RPS6KC1: variants seen among roughly 807,000 people sequenced by gnomAD.
RPS6KC1 encodes inactive ribosomal protein S6 kinase delta-1.
Under a neutral mutation model 103.8 loss-of-function variants are expected in RPS6KC1, and 54 were observed. That is an observed-to-expected ratio of 0.52 (90% CI 0.42 to 0.65). The LOEUF is 0.65. Among genes scored for constraint, RPS6KC1 ranks in the 30% least tolerant of loss-of-function variants. The pLI, the probability that RPS6KC1 is intolerant of heterozygous loss-of-function variation, is 0.00. For synonymous variants in RPS6KC1, 439 were observed against 438.7 expected, an observed-to-expected ratio of 1.00 and a Z score of -0.01; for missense variants, 1,151 against 1,253.8, an observed-to-expected ratio of 0.92 and a Z score of 1.24.
At chr1:213,859,054 A>G in the RPS6KC1 span, among the ~76,000 whole-genome samples, 4 of 152,338 alleles carry the variant, frequency 2.6e-5, no homozygotes, top group East Asian at 7.7e-4. Context: ...CCAAGCAATG[A>G]GAAGATGACC....
the RPS6KC1 span, among the ~76,000 whole-genome samples, chr1:213,462,045 C>G: frequency 1.3e-5 from 2 of 152,084 alleles, no homozygotes; most frequent in Non-Finnish European, 2.9e-5. Context: ...AATATTCAGA[C>G]TCTACAAGGA....
At chr1:213,435,334 GGT>G in the RPS6KC1 span, among the ~76,000 whole-genome samples, 1 of 151,950 alleles carries the variant, frequency 6.6e-6, no homozygotes, top group South Asian at 2.1e-4. Context: ...TGTCAGTTCT[GGT>G]TCTGCTTTGA....
the RPS6KC1 span, among the ~76,000 whole-genome samples, chr1:213,699,878 AT>A: frequency 6.6e-6 from 1 of 151,990 alleles, no homozygotes; most frequent in Non-Finnish European, 1.5e-5. Flanking sequence ...TCTTTTGCCC[AT>A]TTTTTGATCA....
chr1:213,775,844 C>A, the RPS6KC1 span, among the ~76,000 whole-genome samples: 5 of 152,194 alleles, frequency 3.3e-5, no homozygotes, highest in African/African-American at 1.2e-4. Flanking sequence ...CTCTCTCAAA[C>A]CTTGCTGCTG....
chr1:213,328,582 T>A, the RPS6KC1 span, among the ~76,000 whole-genome samples: 1 of 148,968 alleles, frequency 6.7e-6, no homozygotes. Flanking sequence ...TATTTCTGTA[T>A]AGTCCTTTAG....
the RPS6KC1 span, among the ~76,000 whole-genome samples, chr1:213,501,750 A>T: frequency 5.3e-5 from 8 of 152,156 alleles, no homozygotes; most frequent in African/African-American, 1.9e-4. Flanking sequence ...AAAAAAAGAA[A>T]AAAAAGAAAA....
chr1:213,700,228 A>AT, the RPS6KC1 span, among the ~76,000 whole-genome samples: 1 of 152,068 alleles, frequency 6.6e-6, no homozygotes, highest in African/African-American at 2.4e-5. Context: ...GTGTTTGTAT[A>AT]TGGTGAGAGA....
At chr1:213,520,619 T>TCCCTCCCTCG in the RPS6KC1 span, among the ~76,000 whole-genome samples, 4 of 152,144 alleles carry the variant, frequency 2.6e-5, no homozygotes, top group East Asian at 7.7e-4. Context: ...TTTCCTTCCT[T>TCCCTCCCTCG]TATTCTTTTT....
chr1:213,380,948 C>T, the RPS6KC1 span, among the ~76,000 whole-genome samples: 3 of 152,204 alleles, frequency 2.0e-5, no homozygotes, highest in Non-Finnish European at 4.4e-5. Flanking sequence ...TTTCCAGCCC[C>T]AGCAAGGCGC....
At chr1:213,216,385 C>G (rs1177408571) in intron 8 of RPS6KC1, among the ~76,000 whole-genome samples, 2 of 152,020 alleles carry the variant, frequency 1.3e-5, no homozygotes, top group Non-Finnish European at 2.9e-5. Flanking sequence ...TCCTTCGAGA[C>G]CTACAAAGAG....
chr1:213,081,706 G>C (rs2079909111), intron 3 of RPS6KC1, among the ~76,000 whole-genome samples: 1 of 147,696 alleles, frequency 6.8e-6, no homozygotes, highest in African/African-American at 2.5e-5. Flanking sequence ...AGGGATACCA[G>C]CTTTTCCTAT....
chr1:213,107,107 A>C (rs941817307), intron 4 of RPS6KC1, among the ~76,000 whole-genome samples: 2 of 151,884 alleles, frequency 1.3e-5, no homozygotes, highest in African/African-American at 4.8e-5. Flanking sequence ...ACACCTGGCA[A>C]ATTTTTGTAT....
At chr1:213,236,584 G>T (rs2094225578) in intron 10 of RPS6KC1, among the ~76,000 whole-genome samples, 1 of 152,122 alleles carries the variant, frequency 6.6e-6, no homozygotes, top group African/African-American at 2.4e-5. Context: ...AGAGAGAAAG[G>T]TGGGGAAACA....
intron 6 of RPS6KC1, among the ~76,000 whole-genome samples, chr1:213,151,944 C>T (rs2089084512): frequency 7.9e-6 from 1 of 127,032 alleles, no homozygotes; most frequent in Non-Finnish European, 1.7e-5. Flanking sequence ...CCCCCACCTC[C>T]CTCCCGGATG....
chr1:213,718,558 T>C, the RPS6KC1 span, among the ~76,000 whole-genome samples: 2 of 152,222 alleles, frequency 1.3e-5, no homozygotes, highest in Non-Finnish European at 1.5e-5. Context: ...CATAAATGGC[T>C]GACAGAATGA....
intron 12 of RPS6KC1, among the ~76,000 whole-genome samples, chr1:213,257,727 C>A (rs1232969135): frequency 1.4e-5 from 2 of 146,080 alleles, no homozygotes; most frequent in Non-Finnish European, 3.0e-5. Flanking sequence ...TGGTTGGTGG[C>A]ACATTCAAAA....
the RPS6KC1 span, among the ~76,000 whole-genome samples, chr1:213,451,306 T>C: frequency 1.3e-5 from 2 of 152,242 alleles, no homozygotes; most frequent in African/African-American, 4.8e-5. Flanking sequence ...GTATTTTATG[T>C]GGGTCACCTG....
the RPS6KC1 span, among the ~76,000 whole-genome samples, chr1:213,650,959 G>T: frequency 6.6e-6 from 1 of 151,118 alleles, no homozygotes; most frequent in South Asian, 2.1e-4. Context: ...GGGGAGAGGG[G>T]GAGAGAGAGA....
the RPS6KC1 span, among the ~76,000 whole-genome samples, chr1:213,400,454 A>G: frequency 6.6e-6 from 1 of 152,100 alleles, no homozygotes; most frequent in Non-Finnish European, 1.5e-5. Context: ...AGCAATGTAC[A>G]ATTTTTGGTC....
Sources: allele counts gnomAD v4.1 joint callset (sites outside exome capture counted in the v4.1 genomes callset), GRCh38; gene constraint gnomAD v4.1.1; transcripts MANE v1.5; gene names NCBI Gene and HGNC (gene_info 2026-07-23, HGNC 2026-07-21).